Variants in GRIK1 observed in about 807,000 individuals in gnomAD.
GRIK1 encodes glutamate receptor ionotropic, kainate 1.
A neutral mutation model predicts 105.7 loss-of-function variants in GRIK1; 69 were observed. The observed-to-expected ratio is 0.65, with a 90% confidence interval of 0.54 to 0.80. The LOEUF (loss-of-function observed/expected upper bound fraction) is 0.80. Among genes scored for constraint, GRIK1 ranks in the 30% least tolerant of loss-of-function variants. GRIK1 has a pLI of 0.00. For synonymous variants in GRIK1, 438 were observed against 431.3 expected, an observed-to-expected ratio of 1.02 and a Z score of -0.19; for missense variants, 1,109 against 1,167.3, an observed-to-expected ratio of 0.95 and a Z score of 0.73.
intron 1 of GRIK1, among the ~76,000 whole-genome samples, chr21:29,786,081 T>C (rs1404131667): frequency 6.6e-6 from 1 of 152,198 alleles, no homozygotes; most frequent in Non-Finnish European, 1.5e-5. Context: ...TCTGACTCTC[T>C]GGGTTCAAGC....
chr21:29,921,979 C>A (rs927200252), intron 1 of GRIK1, among the ~76,000 whole-genome samples: 1 of 152,102 alleles, frequency 6.6e-6, no homozygotes, highest in Non-Finnish European at 1.5e-5. Flanking sequence ...AGTAGTCCTT[C>A]TGGGTGATAC....
chr21:29,665,928 A>G lies in GRIK1; in HGVS notation c.726+7055T>C, dbSNP rs921376510. Among the ~76,000 whole-genome samples the G allele has an allele frequency of 9.2e-5, 14 of 152,358 alleles. No individual in the cohort carries two copies. The East Asian group carries it at 9.6e-4, about 10-fold the overall frequency. ...ATCATTCCAGTCAAACACGTAGCAT[A>G]TTATGCATGCAGTAAATACCAGATA... On this transcript the variant is annotated intron_variant, in intron 4 of 17. Transcript: ENST00000327783.
intron 1 of GRIK1, among the ~76,000 whole-genome samples, chr21:29,870,165 T>C (rs2068960511): frequency 6.6e-6 from 1 of 152,186 alleles, no homozygotes; most frequent in South Asian, 2.1e-4. Context: ...CACATAATAG[T>C]GTATTAAATT....
intron 1 of GRIK1, among the ~76,000 whole-genome samples, chr21:29,762,917 A>C (rs2145701086): frequency 6.6e-6 from 1 of 152,372 alleles, no homozygotes; most frequent in East Asian, 1.9e-4. Context: ...TGAAGTCCTA[A>C]GATTCTGATT....
intron 1 of GRIK1, among the ~76,000 whole-genome samples, chr21:29,757,602 C>G (rs1029894785): frequency 6.6e-6 from 1 of 152,090 alleles, no homozygotes; most frequent in Non-Finnish European, 1.5e-5. Context: ...ATGAGGATAG[C>G]ATTATTTTTT....
chr21:29,848,759 A>G (rs200002939), intron 1 of GRIK1, among the ~76,000 whole-genome samples: 131 of 85,180 alleles, frequency 1.5e-3, no homozygotes, highest in South Asian at 4.1e-3. Flanking sequence ...GTGTGTGTAT[A>G]TATATATATA....
intron 10 of GRIK1, among the ~76,000 whole-genome samples, chr21:29,589,458 G>A (rs2061298670): frequency 7.0e-6 from 1 of 143,862 alleles, no homozygotes; most frequent in Non-Finnish European, 1.5e-5. Flanking sequence ...ATCTCACTCT[G>A]TCACCCAGCC....
At chr21:29,752,873 G>A (rs927471004) in intron 1 of GRIK1, among the ~76,000 whole-genome samples, 1 of 152,198 alleles carries the variant, frequency 6.6e-6, no homozygotes, top group African/African-American at 2.4e-5. Flanking sequence ...TAGTGCATCT[G>A]TTATTGAACA....
In GRIK1 at chr21:29,680,859, G is replaced by C. The variant is rs550513741; in HGVS notation, c.545-7695C>G. Among the ~76,000 whole-genome samples the C allele has an allele frequency of 4.6e-5, 7 of 152,344 alleles. No individual in the cohort carries two copies. In the South Asian group the frequency reaches 1.5e-3, roughly 32 times the overall value. On this transcript the variant is annotated intron_variant, in intron 3 of 17. Coordinates refer to ENST00000327783, the MANE Select transcript of GRIK1 (RefSeq NM_001330994.2). ...TATAGAAATAAACATAGCAGGCTGG[G>C]CGTGGTGGCTCATGCCTGTAATCCC... is the stretch of plus-strand genomic sequence containing the variant.
intron 1 of GRIK1, among the ~76,000 whole-genome samples, chr21:29,724,650 G>A (rs754642894): frequency 2.0e-5 from 3 of 152,182 alleles, no homozygotes; most frequent in Non-Finnish European, 4.4e-5. Flanking sequence ...CATTTGCACA[G>A]CAATGATTTA....
intron 1 of GRIK1, among the ~76,000 whole-genome samples, chr21:29,848,780 T>TATATATATATATATA (rs1255846155): frequency 3.5e-5 from 1 of 28,430 alleles, no homozygotes; most frequent in African/African-American, 1.1e-4. Flanking sequence ...TATATATATA[T>TATATATATATATATA]TTTTTTTTTT....
chr21:29,813,978 G>A (rs2067082078), intron 1 of GRIK1, among the ~76,000 whole-genome samples: 1 of 144,596 alleles, frequency 6.9e-6, no homozygotes, highest in Admixed American at 7.0e-5. Flanking sequence ...GCAGTGGCAT[G>A]ATCTTGGCTC....
At chr21:29,659,676 G>T (rs1335685711) in intron 4 of GRIK1, among the ~76,000 whole-genome samples, 1 of 152,000 alleles carries the variant, frequency 6.6e-6, no homozygotes, top group African/African-American at 2.4e-5. Context: ...AAAACTCAAT[G>T]CCGGCCAGGC....
At chr21:29,824,783 A>C (rs536124631) in intron 1 of GRIK1, among the ~76,000 whole-genome samples, 1 of 152,100 alleles carries the variant, frequency 6.6e-6, no homozygotes, top group Non-Finnish European at 1.5e-5. Context: ...GTTTAATGGC[A>C]ATACTATGGA....
At chr21:29,706,998 T>G (rs577730988) in intron 1 of GRIK1, among the ~76,000 whole-genome samples, 15 of 152,188 alleles carry the variant, frequency 9.9e-5, no homozygotes, top group African/African-American at 2.6e-4. Context: ...CAAAGTAGCT[T>G]GGACTACAGG....
At chr21:29,727,573 T>G (rs1324967581) in intron 1 of GRIK1, among the ~76,000 whole-genome samples, 1 of 152,040 alleles carries the variant, frequency 6.6e-6, no homozygotes, top group African/African-American at 2.4e-5. Flanking sequence ...TGAGGAGAGA[T>G]AGGTTTATAA....
chr21:29,752,854 A>G (rs2065240348), intron 1 of GRIK1, among the ~76,000 whole-genome samples: 1 of 152,200 alleles, frequency 6.6e-6, no homozygotes, highest in Non-Finnish European at 1.5e-5. Context: ...AATAAAAAGT[A>G]TATGTAAGTA....
At chr21:29,933,873 T>C (rs2071656126) in intron 1 of GRIK1, among the ~76,000 whole-genome samples, 1 of 152,162 alleles carries the variant, frequency 6.6e-6, no homozygotes, top group Non-Finnish European at 1.5e-5. Flanking sequence ...AAATACCTTT[T>C]GGAAAATTTT....
chr21:29,798,948 C>T lies in GRIK1; in HGVS notation c.119-104885G>A, dbSNP rs763915633. 5.3e-5 allele frequency among the ~76,000 whole-genome samples: 8 copies of T among 151,998 alleles called. No homozygotes were observed. In the East Asian group the frequency reaches 5.8e-4, roughly 11 times the overall value. ...AGATTGGAGAGAGGCTGAGAGAGATCGATGCTAAATTAATTCCATTTGTCC... is the reference window on the plus strand; with the variant it reads ...AGATTGGAGAGAGGCTGAGAGAGATTGATGCTAAATTAATTCCATTTGTCC... On this transcript the variant is annotated intron_variant, in intron 1 of 17. Coordinates refer to ENST00000327783, the MANE Select transcript of GRIK1 (RefSeq NM_001330994.2).
Sources: gnomAD v4.1 joint callset for allele counts (sites outside exome capture counted in the v4.1 genomes callset) on GRCh38, gnomAD v4.1.1 for gene constraint, MANE v1.5 for transcripts, NCBI Gene and HGNC (gene_info 2026-07-23, HGNC 2026-07-21) for gene names.